Variants in TRPC6 observed in about 807,000 individuals in gnomAD.
TRPC6 encodes the protein short transient receptor potential channel 6.
A neutral mutation model predicts 90.7 loss-of-function variants in TRPC6; 55 were observed. That is an observed-to-expected ratio of 0.61 (90% CI 0.49 to 0.76). The LOEUF is 0.76. TRPC6 is among the 30% of genes least tolerant of loss of function. TRPC6 has a pLI of 0.00. For missense variants in TRPC6, 989 were observed against 1,122.7 expected, an observed-to-expected ratio of 0.88 and a Z score of 1.70; for synonymous variants, 393 against 393.0, an observed-to-expected ratio of 1.00 and a Z score of 0.00.
intron 10 of TRPC6, among the ~76,000 whole-genome samples, chr11:101,464,351 T>C (rs770785892): frequency 1.3e-5 from 2 of 151,980 alleles, no homozygotes; most frequent in Non-Finnish European, 2.9e-5. Flanking sequence ...ATATCTTTAA[T>C]TTTCTGTCTT....
intron 1 of TRPC6, among the ~76,000 whole-genome samples, chr11:101,563,102 G>A (rs1015210497): frequency 1.3e-5 from 2 of 152,218 alleles, no homozygotes; most frequent in African/African-American, 2.4e-5. Flanking sequence ...ATTAATTAAT[G>A]CTGAAAAGTC....
intron 10 of TRPC6, among the ~76,000 whole-genome samples, chr11:101,456,416 A>G (rs1858884230): frequency 1.3e-5 from 2 of 152,218 alleles, no homozygotes; most frequent in African/African-American, 4.8e-5. Flanking sequence ...TTTATGCCTT[A>G]AGAACATCAT....
At position 101,558,460 on chromosome 11, in the gene TRPC6, TACACACAC is replaced by T. The variant is rs71056630; in HGVS notation, c.170+24866_170+24873del. On this transcript the variant is annotated intron_variant, in intron 1 of 12. Coordinates refer to ENST00000344327, the MANE Select transcript of TRPC6 (RefSeq NM_004621.6). Reference sequence around the variant, plus strand: ...ATACATATATATACACACGCACACATACACACACACACACACACACACACACACACACA... The same window carrying T: ...ATACATATATATACACACGCACACATACACACACACACACACACACACACA... Among the ~76,000 whole-genome samples, 455 of 50,488 alleles carry T rather than the reference TACACACAC, an allele frequency of 9.0e-3. 124 individuals are homozygous for T. Among genetic ancestry groups the T allele is most frequent in the African/African-American group, 0.027 (303 of 11,422 alleles). 33.1% of individuals were successfully genotyped at this position (50,488 alleles called of 152,430 possible).
chr11:101,572,761 G>T (rs186302929), intron 1 of TRPC6, among the ~76,000 whole-genome samples: 1 of 152,044 alleles, frequency 6.6e-6, no homozygotes, highest in South Asian at 2.1e-4. Flanking sequence ...CACAAGAACC[G>T]AAAACCAAAC....
intron 2 of TRPC6, among the ~76,000 whole-genome samples, chr11:101,494,282 T>C (rs1385083301): frequency 6.6e-6 from 1 of 152,180 alleles, no homozygotes; most frequent in Non-Finnish European, 1.5e-5. Context: ...ACCTTTAATA[T>C]GTTAGAACCA....
chr11:101,541,128 T>G (rs1433483423), intron 1 of TRPC6, among the ~76,000 whole-genome samples: 1 of 152,208 alleles, frequency 6.6e-6, no homozygotes, highest in Non-Finnish European at 1.5e-5. Context: ...GAAATTTGGT[T>G]GGAACTTTTA....
chr11:101,455,089 T>C lies in TRPC6; in HGVS notation c.2497A>G (p.Lys833Glu). Residue 833 changes from lysine to glutamate, a missense_variant, in exon 11 of 13, where the codon AAA becomes GAA. Physicochemically the swap from Lys to Glu is moderately conservative, Grantham distance 56 (BLOSUM62 1). Around this residue, in one of 4 missense-constraint regions of TRPC6, gnomAD observed 191 missense variants for 196.7 expected, o/e 0.97. Transcript: ENST00000344327. ...TCTGAGCTCCTTATACTTGGTTGTT[T>C]ATTGTGCCCAACCTGTAATTTGAAA... ...SLDKKQVGHN[K>E]QPSIRSSEDF... The C allele has an allele frequency of 6.2e-7, 1 of 1,612,268 alleles. No homozygotes were observed. Among genetic ancestry groups the C allele is most frequent in the Non-Finnish European group, 8.5e-7 (1 of 1,178,790 alleles).
At chr11:101,484,144 T>C (rs571093238) in intron 4 of TRPC6, among the ~76,000 whole-genome samples, 1 of 152,312 alleles carries the variant, frequency 6.6e-6, no homozygotes, top group East Asian at 1.9e-4. Context: ...TTTTAAGTGC[T>C]TTACACTGTT....
intron 1 of TRPC6, among the ~76,000 whole-genome samples, chr11:101,528,420 CA>C (rs1407128539): frequency 6.6e-6 from 1 of 152,096 alleles, no homozygotes; most frequent in Non-Finnish European, 1.5e-5. Context: ...TGTCACTGCA[CA>C]AAGCTTAATA....
Position 101,504,445 on chromosome 11 carries a change from C to T in TRPC6, c.524G>A (p.Arg175Gln), listed in dbSNP as rs1451194842. 8 of 1,613,898 alleles carry T rather than the reference C, an allele frequency of 5.0e-6. No homozygotes were observed. The highest frequency in any genetic ancestry group is 6.8e-6 in the Non-Finnish European group (8 of 1,179,990). Residue 175 changes from arginine to glutamine, a missense_variant, in exon 2 of 13, where the codon CGG (arginine) becomes CAG (glutamine). Physicochemically the swap from Arg to Gln is conservative, Grantham distance 43. This residue lies in a region of TRPC6 where 486 missense variants were observed against 591.9 expected (regional missense o/e 0.82). Transcript: ENST00000344327. The stretch of plus-strand genomic sequence containing the variant: ...ATGACTGAGAATTGCTTCCACAATC[C>T]GAACATAACCTTTACTAATAGCTAG... ...LLLAISKGYV[R>Q]IVEAILSHPA...
intron 1 of TRPC6, among the ~76,000 whole-genome samples, chr11:101,579,478 T>C (rs1448995284): frequency 1.3e-5 from 2 of 152,212 alleles, no homozygotes; most frequent in Non-Finnish European, 2.9e-5. Flanking sequence ...ATTGTTTCCT[T>C]GTGTGTTTTG....
At chr11:101,492,036 T>C (rs1021586573) in intron 2 of TRPC6, among the ~76,000 whole-genome samples, 6 of 151,850 alleles carry the variant, frequency 4.0e-5, no homozygotes, top group Non-Finnish European at 7.4e-5. Context: ...AGACGGGATT[T>C]CACCGTGTTA....
At chr11:101,533,191 G>T (rs1027859458) in intron 1 of TRPC6, among the ~76,000 whole-genome samples, 10 of 152,168 alleles carry the variant, frequency 6.6e-5, no homozygotes, top group Non-Finnish European at 5.9e-5. Context: ...AGACATACCT[G>T]AGACTGGGTA....
intron 1 of TRPC6, among the ~76,000 whole-genome samples, chr11:101,579,411 T>C (rs1225512761): frequency 6.6e-6 from 1 of 152,224 alleles, no homozygotes; most frequent in Non-Finnish European, 1.5e-5. Context: ...GCATGTCTTA[T>C]ATCTACTCAC....
intron 5 of TRPC6, among the ~76,000 whole-genome samples, chr11:101,481,565 A>G (rs1859551902): frequency 6.6e-6 from 1 of 152,082 alleles, no homozygotes. Flanking sequence ...TCTCCCTCTT[A>G]GAGACTGTAG....
chr11:101,574,996 G>T (rs915005634), intron 1 of TRPC6, among the ~76,000 whole-genome samples: 1 of 152,114 alleles, frequency 6.6e-6, no homozygotes, highest in Non-Finnish European at 1.5e-5. Flanking sequence ...ATGGAAACAT[G>T]AACTCTGCTT....
chr11:101,455,432 G>A (rs902470063), intron 10 of TRPC6: 2 of 255,812 alleles, frequency 7.8e-6, no homozygotes, highest in South Asian at 4.6e-5. Context: ...GGAAATAATG[G>A]TGGTGATCTC....
chr11:101,462,419 A>T (rs889865439), intron 10 of TRPC6, among the ~76,000 whole-genome samples: 3 of 152,106 alleles, frequency 2.0e-5, no homozygotes, highest in African/African-American at 7.2e-5. Flanking sequence ...CATTTTCATG[A>T]TATTGATTCT....
At chr11:101,515,042 T>A (rs1425842281) in intron 1 of TRPC6, among the ~76,000 whole-genome samples, 1 of 152,226 alleles carries the variant, frequency 6.6e-6, no homozygotes. Flanking sequence ...GCATCAAGGA[T>A]AGCAGTTACC....
Sources: allele counts gnomAD v4.1 joint callset (sites outside exome capture counted in the v4.1 genomes callset), GRCh38; gene constraint gnomAD v4.1.1; regional missense constraint gnomAD v4.1.1; transcripts MANE v1.5; gene names NCBI Gene and HGNC (gene_info 2026-07-23, HGNC 2026-07-21).